EVL: variants seen among roughly 807,000 people sequenced by gnomAD.
The protein encoded by EVL is ena/VASP-like protein.
In EVL, 21 loss-of-function variants were observed where a neutral mutation model predicts 59.6. That is an observed-to-expected ratio of 0.35 (90% CI 0.25 to 0.51). The LOEUF (loss-of-function observed/expected upper bound fraction) is 0.51, where lower values mean the gene tolerates loss of function less well. EVL is among the 20% of genes least tolerant of loss of function. The pLI is 0.97. For synonymous variants in EVL, 198 were observed against 203.5 expected (o/e 0.97, Z 0.23); for missense variants, 462 against 546.6 (o/e 0.85, Z 1.54).
chr14:100,101,710 T>C (rs941719039), intron 3 of EVL, among the ~76,000 whole-genome samples: 3 of 152,224 alleles, frequency 2.0e-5, no homozygotes, highest in African/African-American at 2.4e-5. Context: ...CTAGCATGAC[T>C]ATACTGGTTT....
chr14:100,123,790 C>G (rs187002345), intron 4 of EVL, among the ~76,000 whole-genome samples, 188 bp downstream of exon 4: 1 of 152,226 alleles, frequency 6.6e-6, no homozygotes, highest in Non-Finnish European at 1.5e-5. Context: ...CCGCTGGTCC[C>G]GGACACCAAG....
chr14:99,995,957 C>CCT (rs1262425882), intron 1 of EVL, among the ~76,000 whole-genome samples: 3 of 152,110 alleles, frequency 2.0e-5, no homozygotes, highest in Non-Finnish European at 4.4e-5. Flanking sequence ...AGTGGTACTG[C>CCT]ACACTCTCTG....
At chr14:100,064,793 C>G (rs1251923637), upstream of EVL, among the ~76,000 whole-genome samples, 7 of 152,286 alleles carry the variant, frequency 4.6e-5, no homozygotes, top group South Asian at 6.2e-4. Flanking sequence ...GCCTATAATC[C>G]CAGCTACTCA....
At chr14:100,065,798 A>G (rs952850970) in intron 1 of EVL, among the ~76,000 whole-genome samples, 1 of 152,070 alleles carries the variant, frequency 6.6e-6, no homozygotes, top group Non-Finnish European at 1.5e-5. Flanking sequence ...CCTGCCTCTC[A>G]TTATAGGGAG....
At chr14:100,091,138 C>A (rs897438599) in intron 2 of EVL, among the ~76,000 whole-genome samples, 1 of 152,138 alleles carries the variant, frequency 6.6e-6, no homozygotes, top group African/African-American at 2.4e-5. Context: ...GCGTGCTGCC[C>A]GCCTCAGAAA....
At chr14:100,025,026 T>C (rs2061187758) in intron 1 of EVL, among the ~76,000 whole-genome samples, 1 of 152,156 alleles carries the variant, frequency 6.6e-6, no homozygotes, top group Non-Finnish European at 1.5e-5. Flanking sequence ...CCACCAGCCT[T>C]GTCCAAATGC....
At chr14:100,030,689 C>T (rs1031119671) in intron 1 of EVL, among the ~76,000 whole-genome samples, 2 of 152,142 alleles carry the variant, frequency 1.3e-5, no homozygotes, top group Non-Finnish European at 2.9e-5. Flanking sequence ...GAGCTTGGAT[C>T]TTGGCTTGGT....
rs1029522070 is a variant in EVL, at chr14:100,130,543, C to T, written c.839+859C>T. ...ACCCCCTGCCACTTTGTCGCCTTCT[C>T]CTGGCCCTCCCAGCTGCCTTCCAAT... On this transcript the variant is annotated intron_variant, in intron 7 of 13. Transcript: ENST00000392920. This position sits in a 1 kb window ranked among gnomAD's most constrained non-coding sequence, Gnocchi z 4.8. 5.9e-5 allele frequency among the ~76,000 whole-genome samples: 9 copies of T among 152,218 alleles called. No individual in the cohort carries two copies. Among genetic ancestry groups the T allele is most frequent in the Non-Finnish European group, 1.0e-4 (7 of 68,036 alleles).
intron 2 of EVL, among the ~76,000 whole-genome samples, chr14:100,086,735 G>T (rs2062451897): frequency 6.6e-6 from 1 of 152,256 alleles, no homozygotes; most frequent in Non-Finnish European, 1.5e-5. Flanking sequence ...GGAGGGCTGT[G>T]TTGATTCTAA....
chr14:100,086,464 A>G (rs188370186), intron 2 of EVL, among the ~76,000 whole-genome samples: 47 of 152,364 alleles, frequency 3.1e-4, no homozygotes, highest in African/African-American at 1.1e-3. Context: ...TAGGTGTTCC[A>G]TAAGTGATTG....
chr14:99,983,168 T>C (rs1351905301), intron 1 of EVL, among the ~76,000 whole-genome samples: 1 of 152,220 alleles, frequency 6.6e-6, no homozygotes. Context: ...TCATATGTGA[T>C]AAATTTTGGT....
At chr14:100,055,308 G>A (rs74502961) in intron 1 of EVL, among the ~76,000 whole-genome samples, 6,007 of 151,804 alleles carry the variant, frequency 0.04, 134 homozygotes, top group African/African-American at 0.045. Flanking sequence ...TTTTCTCTGC[G>A]CATAATGTTT....
chr14:100,101,707 G>A (rs1886234165), intron 3 of EVL, among the ~76,000 whole-genome samples: 1 of 152,210 alleles, frequency 6.6e-6, no homozygotes, highest in Middle Eastern at 3.2e-3. Context: ...CTTCTAGCAT[G>A]ACTATACTGG....
intron 1 of EVL, among the ~76,000 whole-genome samples, chr14:99,990,636 G>A (rs2140177654): frequency 6.6e-6 from 1 of 152,186 alleles, no homozygotes; most frequent in East Asian, 1.9e-4. Flanking sequence ...TTAGCATAAT[G>A]TCCTTGAGGT....
intron 1 of EVL, among the ~76,000 whole-genome samples, chr14:100,083,362 A>G (rs937002124): frequency 6.6e-6 from 1 of 152,064 alleles, no homozygotes; most frequent in Non-Finnish European, 1.5e-5. Context: ...TTCTGTGTAC[A>G]GTTTACTCTA....
At chr14:100,072,335 A>G (rs75454935) in intron 1 of EVL, among the ~76,000 whole-genome samples, 28 of 152,290 alleles carry the variant, frequency 1.8e-4, no homozygotes, top group African/African-American at 6.0e-4. Flanking sequence ...CCTGGGTTCA[A>G]GCAGTTCTCC....
chr14:100,040,930 A>G (rs2140232733), intron 1 of EVL, among the ~76,000 whole-genome samples: 1 of 152,358 alleles, frequency 6.6e-6, no homozygotes, highest in South Asian at 2.1e-4. Flanking sequence ...TAATATGCTT[A>G]AGCTACAACG....
intron 1 of EVL, among the ~76,000 whole-genome samples, chr14:99,978,657 G>C (rs376700974): frequency 3.9e-5 from 6 of 152,138 alleles, no homozygotes; most frequent in African/African-American, 1.4e-4. Flanking sequence ...CATTACCTTT[G>C]TTGTCAGTTG....
chr14:99,991,329 A>T (rs888857579), intron 1 of EVL, among the ~76,000 whole-genome samples: 8 of 152,252 alleles, frequency 5.3e-5, no homozygotes, highest in Admixed American at 4.6e-4. Context: ...TTGAGGCTGA[A>T]GCAAATCTGA....
Sources: allele counts gnomAD v4.1 joint callset (sites outside exome capture counted in the v4.1 genomes callset), GRCh38; gene constraint gnomAD v4.1.1; non-coding constraint Gnocchi (gnomAD v3.1); transcripts MANE v1.5; gene names NCBI Gene and HGNC (gene_info 2026-07-23, HGNC 2026-07-21).